Variants in PTPRD observed in about 807,000 individuals in gnomAD.
The protein encoded by PTPRD is protein tyrosine phosphatase receptor type D.
In PTPRD, 34 loss-of-function variants were observed where a neutral mutation model predicts 214.5. That is an observed-to-expected ratio of 0.16 (90% CI 0.12 to 0.21). PTPRD has a LOEUF of 0.21. Ranked by LOEUF, PTPRD falls within the 10% of genes least tolerant of loss-of-function variation. The pLI, the probability that PTPRD is intolerant of heterozygous loss-of-function variation, is 1.00. For synonymous variants in PTPRD, 1,128 were observed against 845.7 expected (o/e 1.33, Z -5.79); for missense variants, 2,545 against 2,398.7 (o/e 1.06, Z -1.27).
At chr9:10,416,193 A>AG (rs1428669927) in intron 2 of PTPRD, among the ~76,000 whole-genome samples, 1 of 151,540 alleles carries the variant, frequency 6.6e-6, no homozygotes, top group East Asian at 2.0e-4. Context: ...ACTAAAAAAA[A>AG]AAAAATTAGA....
intron 35 of PTPRD, among the ~76,000 whole-genome samples, chr9:8,429,752 C>T (rs1016506730): frequency 6.6e-6 from 1 of 152,160 alleles, no homozygotes; most frequent in Admixed American, 6.5e-5. Context: ...AGTCCACATC[C>T]AGAGACGGCA....
At position 9,234,935 on chromosome 9, in the gene PTPRD, C is replaced by T. The variant is rs1419037519; in HGVS notation, c.-202-51572G>A. ...TGTTACCCATTTCCAAAGTTGCTCTCACATTTTTGCGTATCTTTACAGCAA... is the reference window on the plus strand; with the variant it reads ...TGTTACCCATTTCCAAAGTTGCTCTTACATTTTTGCGTATCTTTACAGCAA... On this transcript the variant is annotated intron_variant, in intron 9 of 45. Coordinates refer to ENST00000381196, the MANE Select transcript of PTPRD (RefSeq NM_002839.4). Among the ~76,000 whole-genome samples, 32 of 152,182 alleles carry T rather than the reference C, an allele frequency of 2.1e-4. 1 individual carries two copies. Among genetic ancestry groups the T allele is most frequent in the Admixed American group, 2.1e-3 (32 of 15,276 alleles).
At chr9:8,430,235 T>C (rs2094949353) in intron 35 of PTPRD, among the ~76,000 whole-genome samples, 1 of 152,078 alleles carries the variant, frequency 6.6e-6, no homozygotes, top group Non-Finnish European at 1.5e-5. Flanking sequence ...CTTTTCTTGA[T>C]AGTGACCACT....
At chr9:10,318,259 T>C (rs974014898) in intron 3 of PTPRD, among the ~76,000 whole-genome samples, 2 of 152,024 alleles carry the variant, frequency 1.3e-5, no homozygotes, top group Non-Finnish European at 2.9e-5. Flanking sequence ...TTTTCTCACA[T>C]AACAAGAAGT....
At chr9:10,364,980 G>C (rs894538609) in intron 2 of PTPRD, among the ~76,000 whole-genome samples, 3 of 152,134 alleles carry the variant, frequency 2.0e-5, no homozygotes, top group Non-Finnish European at 4.4e-5. Context: ...TGTGCTGAAT[G>C]ATATTACCAC....
chr9:9,410,113 C>G (rs570895148), intron 8 of PTPRD, among the ~76,000 whole-genome samples: 1 of 152,176 alleles, frequency 6.6e-6, no homozygotes, highest in South Asian at 2.1e-4. Flanking sequence ...TCAATAAATG[C>G]TAGATGTCTT....
intron 2 of PTPRD, among the ~76,000 whole-genome samples, chr9:10,482,129 T>C (rs573753484): frequency 1.2e-3 from 184 of 152,078 alleles, no homozygotes; most frequent in Admixed American, 2.3e-3. Flanking sequence ...CCCAGCATTT[T>C]GGGAGGCCCA....
At position 10,017,257 on chromosome 9, in the gene PTPRD, G is replaced by C. The variant is rs1170755668; in HGVS notation, c.-472+16461C>G. On this transcript the variant is annotated intron_variant, in intron 4 of 45. Transcript: ENST00000381196. ...TCATAAAGGTATAAGCTATTAACTT[G>C]TAAAATTTGTCCATTTCTTTGTCCA... 2.0e-5 allele frequency among the ~76,000 whole-genome samples: 3 copies of C among 152,024 alleles called. No homozygotes were observed. In the East Asian group the frequency reaches 5.8e-4, roughly 29 times the overall value.
chr9:9,292,175 A>G (rs895073588), intron 9 of PTPRD, among the ~76,000 whole-genome samples: 1 of 94,106 alleles, frequency 1.1e-5, no homozygotes, highest in African/African-American at 4.5e-5. Flanking sequence ...TCTGTAATGA[A>G]TGAACACTTT....
chr9:10,246,768 T>C (rs1300986033), intron 3 of PTPRD, among the ~76,000 whole-genome samples: 3 of 151,664 alleles, frequency 2.0e-5, no homozygotes, highest in African/African-American at 7.3e-5. Context: ...AGTAGTTGCA[T>C]ACCTGTATTT....
intron 14 of PTPRD, among the ~76,000 whole-genome samples, chr9:8,604,899 A>C (rs1443352303): frequency 6.6e-6 from 1 of 152,216 alleles, no homozygotes; most frequent in Admixed American, 6.5e-5. Context: ...ACTGCAATAC[A>C]TTTAGGTGCA....
intron 11 of PTPRD, among the ~76,000 whole-genome samples, chr9:9,012,773 T>C (rs1460565247): frequency 5.3e-5 from 8 of 152,176 alleles, no homozygotes; most frequent in Non-Finnish European, 1.2e-4. Flanking sequence ...TTTTCTGCCA[T>C]ATGAGGGTGT....
At chr9:8,978,776 A>T (rs552048100) in intron 11 of PTPRD, among the ~76,000 whole-genome samples, 1 of 152,268 alleles carries the variant, frequency 6.6e-6, no homozygotes, top group African/African-American at 2.4e-5. Flanking sequence ...TGGAGTCTTA[A>T]GTAATGCTGC....
chr9:10,375,669 C>T (rs1001600757), intron 2 of PTPRD, among the ~76,000 whole-genome samples: 3 of 151,798 alleles, frequency 2.0e-5, no homozygotes, highest in Non-Finnish European at 4.4e-5. Context: ...CACCATAATC[C>T]CCAATGAATA....
intron 7 of PTPRD, among the ~76,000 whole-genome samples, chr9:9,676,981 T>G (rs891900888): frequency 6.6e-6 from 1 of 152,180 alleles, no homozygotes; most frequent in Non-Finnish European, 1.5e-5. Flanking sequence ...TTGTTTGTTT[T>G]TTTTCTTGTA....
rs58995675 is a variant in PTPRD, at chr9:9,595,550, T to TTGTGTG, written c.-286-20775_-286-20770dup. ...CACACGTATGCATATGTATGTGTGT[T>TTGTGTG]TGTGTGTGTGTGTGTGTGTGTGTGT... is the stretch of plus-strand genomic sequence containing the variant. On this transcript the variant is annotated intron_variant, in intron 7 of 45. Coordinates refer to ENST00000381196, the MANE Select transcript of PTPRD (RefSeq NM_002839.4). Among the ~76,000 whole-genome samples the TTGTGTG allele has an allele frequency of 3.4e-5, 5 of 147,416 alleles. 1 individual carries two copies. The highest frequency in any genetic ancestry group is 1.0e-4 in the African/African-American group (4 of 39,540).
chr9:9,194,434 G>C (rs2099937048), intron 9 of PTPRD, among the ~76,000 whole-genome samples: 1 of 152,082 alleles, frequency 6.6e-6, no homozygotes, highest in Non-Finnish European at 1.5e-5. Context: ...AAAACTGGCA[G>C]TGCATAGGTT....
intron 3 of PTPRD, among the ~76,000 whole-genome samples, chr9:10,216,484 T>C (rs972172454): frequency 1.6e-4 from 25 of 151,996 alleles, no homozygotes; most frequent in African/African-American, 6.0e-4. Flanking sequence ...GGTTAACTTA[T>C]ATGCTCTAAA....
chr9:10,220,159 G>C (rs1348171812), intron 3 of PTPRD, among the ~76,000 whole-genome samples: 5 of 151,550 alleles, frequency 3.3e-5, no homozygotes, highest in African/African-American at 1.2e-4. Context: ...CACTTTTAAG[G>C]TCATTTTCAT....
Sources: gnomAD v4.1 joint callset for allele counts (sites outside exome capture counted in the v4.1 genomes callset) on GRCh38, gnomAD v4.1.1 for gene constraint, MANE v1.5 for transcripts, NCBI Gene and HGNC (gene_info 2026-07-23, HGNC 2026-07-21) for gene names.